Variants in PRKAG2 observed in about 807,000 individuals in gnomAD.
PRKAG2 encodes the protein 5'-AMP-activated protein kinase subunit gamma-2.
In PRKAG2, 26 loss-of-function variants were observed where a neutral mutation model predicts 69.6. That is an observed-to-expected ratio of 0.37 (90% CI 0.27 to 0.52). PRKAG2 has a LOEUF of 0.52. Ranked by LOEUF, PRKAG2 falls within the 20% of genes least tolerant of loss-of-function variation. PRKAG2 has a pLI of 0.90. For missense variants in PRKAG2, 557 were observed against 740.0 expected, an observed-to-expected ratio of 0.75 and a Z score of 2.87; for synonymous variants, 293 against 285.0, an observed-to-expected ratio of 1.03 and a Z score of -0.28.
intron 5 of PRKAG2, among the ~76,000 whole-genome samples, chr7:151,598,059 AAGTGT>A (rs1279407571): frequency 6.6e-6 from 1 of 152,202 alleles, no homozygotes; most frequent in African/African-American, 2.4e-5. Flanking sequence ...GAATCCACCT[AAGTGT>A]CGCCAAAAGA....
chr7:151,850,025 G>A lies in PRKAG2; in HGVS notation c.114+26482C>T, dbSNP rs2079531764. On this transcript the variant is annotated intron_variant, in intron 1 of 15. Coordinates refer to ENST00000287878, the MANE Select transcript of PRKAG2 (RefSeq NM_016203.4). This position sits in a 1 kb window ranked among gnomAD's most constrained non-coding sequence, Gnocchi z 4.1. The stretch of plus-strand genomic sequence containing the variant: ...TTGCCATTTTCCGGAGCGTGCTGTA[G>A]CTAGGCACAGAGAGGCTCTGCTGGG... Among the ~76,000 whole-genome samples, 1 of 152,198 alleles carries A rather than the reference G, an allele frequency of 6.6e-6. No homozygotes were observed. The highest frequency in any genetic ancestry group is 6.5e-5 in the Admixed American group (1 of 15,282).
In PRKAG2 at chr7:151,873,925, C is replaced by A. The variant is rs185671838; in HGVS notation, c.114+2582G>T. On this transcript the variant is annotated intron_variant, in intron 1 of 15. Coordinates refer to ENST00000287878, the MANE Select transcript of PRKAG2 (RefSeq NM_016203.4). ...GACAATGGCATGTTCTTGTTTCTCT[C>A]TATATATTTTTTTAAAAAACTAGGT... Among the ~76,000 whole-genome samples the A allele has an allele frequency of 2.2e-3, 330 of 151,838 alleles. 1 individual carries two copies. The highest frequency in any genetic ancestry group is 7.7e-3 in the African/African-American group (317 of 41,378).
At chr7:151,602,034 G>A (rs977569668) in intron 5 of PRKAG2, among the ~76,000 whole-genome samples, 2 of 152,244 alleles carry the variant, frequency 1.3e-5, no homozygotes, top group African/African-American at 4.8e-5. Context: ...GCTTAAGAAA[G>A]GCCTGAAACA....
intron 3 of PRKAG2, among the ~76,000 whole-genome samples, chr7:151,733,070 G>A (rs942522658): frequency 3.3e-5 from 5 of 152,310 alleles, no homozygotes; most frequent in African/African-American, 9.6e-5. Flanking sequence ...CACAGGCTTG[G>A]GAGGGAGGGC....
chr7:151,594,827 T>C (rs1814071236), intron 6 of PRKAG2, among the ~76,000 whole-genome samples: 1 of 151,680 alleles, frequency 6.6e-6, no homozygotes, highest in South Asian at 2.1e-4. Flanking sequence ...TGAGATGGAG[T>C]CTCACTCTGT....
chr7:151,727,517 T>A (rs776700532), intron 3 of PRKAG2, among the ~76,000 whole-genome samples: 4 of 152,196 alleles, frequency 2.6e-5, no homozygotes, highest in Non-Finnish European at 5.9e-5. Context: ...CTGAGGCTGA[T>A]CACCCTGCAG....
chr7:151,565,196 T>C (rs1199925971), intron 13 of PRKAG2, 150 bp downstream of exon 13: 2 of 581,960 alleles, frequency 3.4e-6, no homozygotes, highest in South Asian at 2.6e-5. Flanking sequence ...ACAATTACTA[T>C]AGAAGGTCTA....
chr7:151,630,989 T>C lies in PRKAG2; in HGVS notation c.754+1080A>G, dbSNP rs192340235. The stretch of plus-strand genomic sequence containing the variant: ...TGTTTGTGAAATGCTGCAGTGAATC[T>C]CAAAGATAACAGGCACCCGGCTAAT... On this transcript the variant is annotated intron_variant, in intron 5 of 15. Transcript: ENST00000287878. Among the ~76,000 whole-genome samples, 4 of 152,352 alleles carry C rather than the reference T, an allele frequency of 2.6e-5. No individual in the cohort carries two copies. In the East Asian group the frequency reaches 7.7e-4, roughly 29 times the overall value.
intron 4 of PRKAG2, among the ~76,000 whole-genome samples, chr7:151,639,416 A>G (rs997866532): frequency 6.6e-6 from 1 of 152,190 alleles, no homozygotes; most frequent in Non-Finnish European, 1.5e-5. Context: ...AGGAACACCT[A>G]GACAACCGGT....
chr7:151,733,002 G>A (rs1484359788), intron 3 of PRKAG2, among the ~76,000 whole-genome samples: 1 of 152,194 alleles, frequency 6.6e-6, no homozygotes, highest in Non-Finnish European at 1.5e-5. Flanking sequence ...CCTCAGGGTG[G>A]TTTTCTAGAC....
chr7:151,574,938 T>C lies in PRKAG2; in HGVS notation c.958A>G (p.Ile320Val). 1.2e-6 allele frequency: 2 copies of C among 1,612,558 alleles called. No individual in the cohort carries two copies. The highest frequency in any genetic ancestry group is 1.7e-6 in the Non-Finnish European group (2 of 1,179,546). The change falls in exon 8 of 16, where the codon ATT becomes GTT. Residue 320 changes from isoleucine to valine, a missense_variant. By Grantham distance (29) the Ile-to-Val change is conservative. Coordinates refer to ENST00000287878, the MANE Select transcript of PRKAG2 (RefSeq NM_016203.4). ...KKQSFVGMLT[I>V]TDFINILHRY... ...TGTAGTATATTTATGAAATCTGTAA[T>C]TGTTAGCATTCCTGGAACAAAGAAT... is the stretch of plus-strand genomic sequence containing the variant.
At chr7:151,675,141 G>A (rs947073403) in intron 4 of PRKAG2, 9 of 410,400 alleles carry the variant, frequency 2.2e-5, no homozygotes, top group South Asian at 4.0e-5. Context: ...GGCTGGTCTC[G>A]AACTCCTGGC....
intron 3 of PRKAG2, among the ~76,000 whole-genome samples, chr7:151,718,856 C>G (rs1323540287): frequency 6.6e-6 from 1 of 152,114 alleles, no homozygotes; most frequent in Non-Finnish European, 1.5e-5. Flanking sequence ...CTGCCCACCT[C>G]CCCTGGCCCT....
chr7:151,687,527 C>A (rs1159672220), intron 3 of PRKAG2, among the ~76,000 whole-genome samples: 1 of 152,240 alleles, frequency 6.6e-6, no homozygotes, highest in Admixed American at 6.5e-5. Flanking sequence ...TTGTTTGGTG[C>A]TGTGGAGATG....
At chr7:151,734,613 A>G (rs932919893) in intron 3 of PRKAG2, among the ~76,000 whole-genome samples, 1 of 152,080 alleles carries the variant, frequency 6.6e-6, no homozygotes, top group Non-Finnish European at 1.5e-5. Flanking sequence ...GTAGTGGCCC[A>G]ATCACAACTA....
intron 3 of PRKAG2, among the ~76,000 whole-genome samples, chr7:151,715,882 G>A (rs1004670273): frequency 1.3e-5 from 2 of 152,164 alleles, no homozygotes; most frequent in African/African-American, 2.4e-5. Context: ...CACTCTCCTC[G>A]CTCACAGGGC....
intron 5 of PRKAG2, among the ~76,000 whole-genome samples, chr7:151,623,998 T>C (rs948428199): frequency 1.3e-5 from 2 of 152,264 alleles, no homozygotes; most frequent in Admixed American, 6.5e-5. Flanking sequence ...AACTTATTGC[T>C]AGCAACTTCC....
At chr7:151,696,692 A>T (rs1836734616) in intron 3 of PRKAG2, among the ~76,000 whole-genome samples, 2 of 152,236 alleles carry the variant, frequency 1.3e-5, no homozygotes, top group African/African-American at 4.8e-5. Context: ...CCCCTGTCTG[A>T]AAAGTAGGTT....
intron 1 of PRKAG2, among the ~76,000 whole-genome samples, chr7:151,805,755 C>CACTACAGATTCTTCCTTCTCAGA (rs1454100255): frequency 6.6e-6 from 1 of 152,190 alleles, no homozygotes; most frequent in East Asian, 1.9e-4. Flanking sequence ...AACCCAGGGA[C>CACTACAGATTCTTCCTTCTCAGA]ACTACAGATT....
Sources: allele counts gnomAD v4.1 joint callset (sites outside exome capture counted in the v4.1 genomes callset), GRCh38; gene constraint gnomAD v4.1.1; non-coding constraint Gnocchi (gnomAD v3.1); transcripts MANE v1.5; gene names NCBI Gene and HGNC (gene_info 2026-07-23, HGNC 2026-07-21).